The following ADGRG2 variants were observed in gnomAD, a reference collection of about 807,000 sequenced individuals.
ADGRG2 encodes the protein adhesion G protein-coupled receptor G2, also known as G protein-coupled receptor 64.
A neutral mutation model predicts 74.1 loss-of-function variants in ADGRG2; 26 were observed. The ratio of observed to expected loss-of-function variants is 0.35; its 90% CI spans 0.26 to 0.49. ADGRG2 has a LOEUF of 0.49. Ranked by LOEUF, ADGRG2 falls within the 20% of genes least tolerant of loss-of-function variation. ADGRG2 has a pLI of 0.99. For synonymous variants in ADGRG2, 296 were observed against 295.2 expected, an observed-to-expected ratio of 1.00 and a Z score of -0.03; for missense variants, 619 against 763.1, an observed-to-expected ratio of 0.81 and a Z score of 2.22.
At chrX:19,047,196 A>G (rs770418151) in intron 3 of ADGRG2, among the ~76,000 whole-genome samples, 2 of 111,936 alleles carry the variant, frequency 1.8e-5, no homozygotes, top group Non-Finnish European at 3.8e-5. Context: ...ATACATATCA[A>G]AAACAGCATT....
chrX:19,117,946 A>AGG (rs1352615603), intron 1 of ADGRG2, among the ~76,000 whole-genome samples: 1 of 111,097 alleles, frequency 9.0e-6, no homozygotes, highest in African/African-American at 3.3e-5. Flanking sequence ...TCAATGGGAA[A>AGG]AAAAAAAAAA....
At chrX:19,038,271 C>T (rs1191256562) in intron 4 of ADGRG2, among the ~76,000 whole-genome samples, 4 of 112,145 alleles carry the variant, frequency 3.6e-5, no homozygotes, top group Admixed American at 9.5e-5. Context: ...TGACCTCTAC[C>T]TAAACATGGG....
intron 3 of ADGRG2, among the ~76,000 whole-genome samples, chrX:19,057,069 T>C (rs1383470173): frequency 8.9e-6 from 1 of 111,951 alleles, no homozygotes; most frequent in Non-Finnish European, 1.9e-5. Context: ...TCAGACTATA[T>C]GATTCTGTGC....
chrX:19,069,534 T>C lies in ADGRG2; in HGVS notation c.-1-699A>G, dbSNP rs184828252. Among the ~76,000 whole-genome samples, 85 of 111,038 alleles carry C rather than the reference T, an allele frequency of 7.7e-4. No individual in the cohort carries two copies. In the East Asian group the frequency reaches 9.4e-3, roughly 12 times the overall value. ...GTGAGAACATGCATTCTCATTTCCCTGCCCGAATGTTGCCTTTTCCAAAAC... is the reference window on the plus strand; with the variant it reads ...GTGAGAACATGCATTCTCATTTCCCCGCCCGAATGTTGCCTTTTCCAAAAC... On this transcript the variant is annotated intron_variant, in intron 2 of 28. Transcript: ENST00000379869.
intron 1 of ADGRG2, among the ~76,000 whole-genome samples, chrX:19,087,400 G>T (rs932884164): frequency 8.9e-6 from 1 of 112,533 alleles, no homozygotes; most frequent in Non-Finnish European, 1.9e-5. Flanking sequence ...ATCAGCTGTG[G>T]GCAGTAATGG....
intron 2 of ADGRG2, among the ~76,000 whole-genome samples, chrX:19,070,453 TG>T (rs2146913029): frequency 9.0e-6 from 1 of 111,457 alleles, no homozygotes; most frequent in South Asian, 3.8e-4. Flanking sequence ...GAATTGCAAA[TG>T]CTAAGACTGT....
At chrX:19,119,168 G>T (rs545254408) in intron 1 of ADGRG2, among the ~76,000 whole-genome samples, 1 of 112,084 alleles carries the variant, frequency 8.9e-6, no homozygotes, top group African/African-American at 3.2e-5. Context: ...ACACTGAAAA[G>T]AGTGAATTTT....
chrX:19,004,139 G>A (rs1017280773), intron 23 of ADGRG2, among the ~76,000 whole-genome samples: 5 of 111,528 alleles, frequency 4.5e-5, no homozygotes, highest in Non-Finnish European at 9.4e-5. Context: ...ATATTGTTTC[G>A]ATTCGTTAAT....
At chrX:19,029,300 AATG>A (rs1601934227) in intron 9 of ADGRG2, among the ~76,000 whole-genome samples, 1 of 112,131 alleles carries the variant, frequency 8.9e-6, no homozygotes, top group Non-Finnish European at 1.9e-5. Flanking sequence ...TTAGCTTTTA[AATG>A]ATTATTTAAA....
intron 14 of ADGRG2, among the ~76,000 whole-genome samples, chrX:19,020,639 C>G (rs1441724046): frequency 9.0e-6 from 1 of 111,240 alleles, no homozygotes; most frequent in Non-Finnish European, 1.9e-5. Context: ...ACTTTATTAG[C>G]AAGCAGGAAA....
At chrX:19,076,191 A>C (rs777086052) in intron 2 of ADGRG2, among the ~76,000 whole-genome samples, 37 of 112,001 alleles carry the variant, frequency 3.3e-4, no homozygotes, top group African/African-American at 1.1e-3. Context: ...GCAATGAGGA[A>C]GGGGAGTGCC....
chrX:19,110,719 CA>C (rs2062399162), intron 1 of ADGRG2, among the ~76,000 whole-genome samples: 1 of 98,529 alleles, frequency 1.0e-5, no homozygotes, highest in Non-Finnish European at 2.0e-5. Context: ...AAAAAAAAAA[CA>C]AAAAAACAGA....
At chrX:19,015,371 G>T (rs2060446228) in intron 15 of ADGRG2, among the ~76,000 whole-genome samples, 1 of 112,460 alleles carries the variant, frequency 8.9e-6, no homozygotes, top group South Asian at 3.7e-4. Context: ...ATCCCCTGAG[G>T]TTCGGGGCAG....
intron 9 of ADGRG2, among the ~76,000 whole-genome samples, chrX:19,028,653 TAA>T (rs34651294): frequency 4.0e-5 from 4 of 99,409 alleles, no homozygotes; most frequent in Admixed American, 1.1e-4. Flanking sequence ...ACTGATGAGC[TAA>T]AAAAAAAAAA....
chrX:19,054,282 G>A (rs1016868507), intron 3 of ADGRG2, among the ~76,000 whole-genome samples: 5 of 111,829 alleles, frequency 4.5e-5, no homozygotes, highest in Non-Finnish European at 7.5e-5. Context: ...CATAACTTAC[G>A]TTTTATAAGT....
intron 3 of ADGRG2, among the ~76,000 whole-genome samples, chrX:19,051,236 G>A (rs1484520362): frequency 3.6e-5 from 4 of 111,199 alleles, no homozygotes; most frequent in African/African-American, 6.5e-5. Flanking sequence ...CACCACGCCC[G>A]GCTAATTTTT....
At chrX:19,054,285 T>C (rs1325175449) in intron 3 of ADGRG2, among the ~76,000 whole-genome samples, 1 of 111,874 alleles carries the variant, frequency 8.9e-6, no homozygotes, top group Non-Finnish European at 1.9e-5. Context: ...AACTTACGTT[T>C]TATAAGTTCT....
intron 1 of ADGRG2, among the ~76,000 whole-genome samples, chrX:19,089,990 C>T (rs2061992482): frequency 8.9e-6 from 1 of 112,232 alleles, no homozygotes; most frequent in East Asian, 2.8e-4. Flanking sequence ...CCCTTTCTTC[C>T]TTTCATTATT....
intron 1 of ADGRG2, among the ~76,000 whole-genome samples, chrX:19,094,689 T>C (rs754778346): frequency 4.7e-4 from 53 of 112,500 alleles, no homozygotes; most frequent in Non-Finnish European, 8.6e-4. Context: ...AAACACTTTC[T>C]CTCCCAGCAT....
Sources: gnomAD v4.1 joint callset for allele counts (sites outside exome capture counted in the v4.1 genomes callset) on GRCh38, gnomAD v4.1.1 for gene constraint, MANE v1.5 for transcripts, NCBI Gene and HGNC (gene_info 2026-07-23, HGNC 2026-07-21) for gene names.